ECPAS: variants seen among roughly 807,000 people sequenced by gnomAD.
The protein encoded by ECPAS is Ecm29 proteasome adaptor and scaffold.
ECPAS carries 70 observed loss-of-function variants against 255.1 expected under a neutral mutation model. That is an observed-to-expected ratio of 0.27 (90% CI 0.23 to 0.33). The LOEUF is 0.33. ECPAS is among the 10% of genes least tolerant of loss of function. ECPAS has a pLI of 1.00. For missense variants in ECPAS, 1,817 were observed against 2,206.4 expected, an observed-to-expected ratio of 0.82 and a Z score of 3.54; for synonymous variants, 784 against 775.0, an observed-to-expected ratio of 1.01 and a Z score of -0.19.
intron 35 of ECPAS, among the ~76,000 whole-genome samples, chr9:111,379,444 A>G (rs1359441623): frequency 6.6e-6 from 1 of 152,222 alleles, no homozygotes; most frequent in Non-Finnish European, 1.5e-5. Context: ...TCAGCGAGTC[A>G]TTATCTTTTT....
chr9:111,455,152 G>A (rs1421484609), intron 2 of ECPAS, among the ~76,000 whole-genome samples: 1 of 152,146 alleles, frequency 6.6e-6, no homozygotes, highest in African/African-American at 2.4e-5. Flanking sequence ...ATATTGTGCA[G>A]AGAAGAGTTT....
chr9:111,411,409 G>A (rs3818719), intron 21 of ECPAS, among the ~76,000 whole-genome samples: 29,710 of 152,028 alleles, frequency 0.2, 3,000 homozygotes, highest in East Asian at 0.33. Context: ...TCCAATTCCG[G>A]GTGAGATGAC....
chr9:111,437,697 T>C (rs1344096011), intron 6 of ECPAS, among the ~76,000 whole-genome samples: 1 of 152,060 alleles, frequency 6.6e-6, no homozygotes, highest in African/African-American at 2.4e-5. Flanking sequence ...AGAAGAAAAG[T>C]TACACAAGAA....
At chr9:111,365,133 T>A (rs1381639375) in intron 48 of ECPAS, among the ~76,000 whole-genome samples, 2 of 152,024 alleles carry the variant, frequency 1.3e-5, no homozygotes, top group Non-Finnish European at 2.9e-5. Flanking sequence ...TAGCCAGGCA[T>A]GATGGCACAC....
rs2131962600 is a variant in ECPAS, at chr9:111,451,418, T to C, written c.153+7A>G. The C allele has an allele frequency of 1.3e-6, 2 of 1,566,532 alleles. No individual in the cohort carries two copies. The stretch of plus-strand genomic sequence containing the variant: ...TTTAATTCCCCCAGCTGTCCCAACA[T>C]GCTTACCTTTTTACGTACTCCTTCT... On this transcript the variant is annotated splice_region_variant and intron_variant, in intron 3 of 49. Transcript: ENST00000684092.
At chr9:111,381,643 T>C (rs1382857065) in intron 35 of ECPAS, among the ~76,000 whole-genome samples, 1 of 152,240 alleles carries the variant, frequency 6.6e-6, no homozygotes, top group African/African-American at 2.4e-5. Flanking sequence ...CTAAGTGACG[T>C]GTGACTGCAT....
Position 111,460,152 on chromosome 9 carries a change from CAA to C in ECPAS, c.23-8599_23-8598del, listed in dbSNP as rs528343202. ...AAAAATTGGATTTATTCCAAAGATG[CAA>C]AGTTGGTTTAATATTGAAAATCAGT... is the stretch of plus-strand genomic sequence containing the variant. On this transcript the variant is annotated intron_variant, in intron 2 of 49. Transcript: ENST00000684092. Among the ~76,000 whole-genome samples the C allele has an allele frequency of 7.1e-3, 1,085 of 152,114 alleles. 8 individuals carry two copies. The highest frequency in any genetic ancestry group is 0.011 in the Non-Finnish European group (753 of 67,988).
intron 35 of ECPAS, among the ~76,000 whole-genome samples, chr9:111,380,800 C>G (rs1016037945): frequency 7.9e-5 from 12 of 152,216 alleles, no homozygotes. Flanking sequence ...GTTATGAAGA[C>G]AGCTTCTTTC....
intron 20 of ECPAS, 108 bp from the exon 21 acceptor site, chr9:111,412,256 GA>G: frequency 1.1e-6 from 1 of 919,020 alleles, no homozygotes; most frequent in Non-Finnish European, 1.5e-6. Context: ...TGGATATTGA[GA>G]AAAAAACAAG....
intron 24 of ECPAS, among the ~76,000 whole-genome samples, chr9:111,403,983 A>G (rs930151251): frequency 1.3e-5 from 2 of 149,922 alleles, no homozygotes; most frequent in Non-Finnish European, 2.9e-5. Context: ...AAATACATGG[A>G]AATTAAACAA....
intron 31 of ECPAS, 76 bp downstream of exon 31, chr9:111,389,480 C>A (rs1246471177): frequency 7.9e-6 from 10 of 1,264,266 alleles, no homozygotes; most frequent in Non-Finnish European, 1.1e-5. Flanking sequence ...GGAAGATGGA[C>A]ACTGGGTTTA....
intron 28 of ECPAS, 67 bp from the exon 29 acceptor site, chr9:111,391,891 A>G: frequency 9.9e-7 from 1 of 1,010,324 alleles, no homozygotes; most frequent in Non-Finnish European, 1.5e-6. Context: ...AGCCAATACG[A>G]TTCATTTACA....
intron 2 of ECPAS, among the ~76,000 whole-genome samples, chr9:111,465,999 C>T (rs2098279078): frequency 6.6e-6 from 1 of 151,716 alleles, no homozygotes; most frequent in Admixed American, 6.6e-5. Context: ...TGCCTCTGCA[C>T]TCCAGCCCGG....
intron 2 of ECPAS, among the ~76,000 whole-genome samples, chr9:111,455,613 T>TC (rs1476124992): frequency 1.3e-5 from 2 of 152,238 alleles, no homozygotes; most frequent in Non-Finnish European, 1.5e-5. Flanking sequence ...ATTGTGCCTG[T>TC]CTGTGCAAAT....
chr9:111,389,186 T>C (rs1418787317), intron 31 of ECPAS, among the ~76,000 whole-genome samples: 1 of 152,190 alleles, frequency 6.6e-6, no homozygotes, highest in African/African-American at 2.4e-5. Context: ...AAAATGGCAA[T>C]TGCCTGCTTC....
intron 36 of ECPAS, among the ~76,000 whole-genome samples, chr9:111,377,015 G>C (rs557692428): frequency 7.9e-5 from 12 of 152,320 alleles, no homozygotes; most frequent in Admixed American, 6.5e-4. Context: ...TGATAAGGGA[G>C]AAAAGTAAGG....
chr9:111,366,566 T>C lies in ECPAS; in HGVS notation c.5175A>G (p.Lys1725=). The C allele has an allele frequency of 6.2e-7, 1 of 1,613,452 alleles. No individual in the cohort carries two copies. The highest frequency in any genetic ancestry group is 1.3e-5 in the African/African-American group (1 of 75,018). Residue 1725 remains lysine, a synonymous_variant, in exon 47 of 50, where the codon AAA becomes AAG. Transcript: ENST00000684092. The part of the protein sequence containing the change: ...MCERLKLSTW[K]VQLGVLQSMN... ...TTGATTGCAGGACTCCTAGCTGCACTTTCCACGTGCTGAGTTTTAGCCGTT... is the reference window on the plus strand; with the variant it reads ...TTGATTGCAGGACTCCTAGCTGCACCTTCCACGTGCTGAGTTTTAGCCGTT...
chr9:111,442,638 G>A (rs890913868), intron 4 of ECPAS, among the ~76,000 whole-genome samples: 2 of 152,104 alleles, frequency 1.3e-5, no homozygotes, highest in African/African-American at 4.8e-5. Flanking sequence ...TTTAAAGTAG[G>A]CCTAATGTGA....
At chr9:111,402,267 T>C (rs2098177314) in intron 24 of ECPAS, among the ~76,000 whole-genome samples, 1 of 152,138 alleles carries the variant, frequency 6.6e-6, no homozygotes, top group Non-Finnish European at 1.5e-5. Context: ...AACATTCAAA[T>C]ATAAAGGATA....
Sources: gnomAD v4.1 joint callset for allele counts (sites outside exome capture counted in the v4.1 genomes callset) on GRCh38, gnomAD v4.1.1 for gene constraint, MANE v1.5 for transcripts, NCBI Gene and HGNC (gene_info 2026-07-23, HGNC 2026-07-21) for gene names.